Variants in SLC2A1 observed in about 807,000 individuals in gnomAD.
SLC2A1 encodes the protein solute carrier family 2, facilitated glucose transporter member 1.
In SLC2A1, 4 loss-of-function variants were observed where a neutral mutation model predicts 46.6. The observed-to-expected ratio is 0.09, with a 90% CI of 0.04 to 0.20. SLC2A1 has a LOEUF of 0.20. Among genes scored for constraint, SLC2A1 ranks in the 10% least tolerant of loss-of-function variants. The pLI, the probability that SLC2A1 is intolerant of heterozygous loss-of-function variation, is 1.00. For missense variants in SLC2A1, 352 were observed against 667.0 expected (o/e 0.53, Z 5.20); for synonymous variants, 253 against 270.0 (o/e 0.94, Z 0.62).
At chr1:42,955,751 G>A (rs1245635263) in intron 1 of SLC2A1, among the ~76,000 whole-genome samples, 2 of 152,160 alleles carry the variant, frequency 1.3e-5, no homozygotes, top group African/African-American at 2.4e-5. Flanking sequence ...AGTTCTTCAC[G>A]AAGGGTGGGG....
At chr1:42,955,482 T>C (rs1570608830) in intron 1 of SLC2A1, among the ~76,000 whole-genome samples, 1 of 152,146 alleles carries the variant, frequency 6.6e-6, no homozygotes, top group African/African-American at 2.4e-5. Flanking sequence ...CGGTGACGCA[T>C]GTCTGTGGTT....
At chr1:42,951,822 C>A in intron 1 of SLC2A1, 1 of 399,196 alleles carries the variant, frequency 2.5e-6, no homozygotes, top group Non-Finnish European at 4.4e-6. Flanking sequence ...AAGTGTCAGA[C>A]CACATGGTAA....
intron 2 of SLC2A1, among the ~76,000 whole-genome samples, chr1:42,937,490 A>T (rs990799632): frequency 6.6e-6 from 1 of 152,244 alleles, no homozygotes. Flanking sequence ...AAGGGTGTTT[A>T]GGTGCCCATC....
chr1:42,928,718 G>A (rs1247523196), intron 8 of SLC2A1, among the ~76,000 whole-genome samples: 2 of 152,108 alleles, frequency 1.3e-5, no homozygotes, highest in Non-Finnish European at 2.9e-5. Context: ...GAGGTGCTGC[G>A]CTGAGAATCC....
Position 42,929,071 on chromosome 1 carries a change from G to A in SLC2A1, c.973-38C>T, listed in dbSNP as rs1557645575. The A allele has an allele frequency of 1.9e-6, 3 of 1,599,404 alleles. No individual in the cohort carries two copies. Among genetic ancestry groups the A allele is most frequent in the Non-Finnish European group, 2.6e-6 (3 of 1,167,818 alleles). On this transcript the variant is annotated intron_variant, in intron 7 of 9. Coordinates refer to ENST00000426263, the MANE Select transcript of SLC2A1 (RefSeq NM_006516.4). The surrounding 1 kb of genome is among the most constrained non-coding windows in gnomAD (Gnocchi z 6.0). ...ACAGTGTCAGTGCCACCCCTGCCTA[G>A]TGCCCTTCTGAACCCACCCACCCAG...
chr1:42,944,022 G>A (rs1012681235), intron 1 of SLC2A1, among the ~76,000 whole-genome samples: 1 of 152,178 alleles, frequency 6.6e-6, no homozygotes, highest in Non-Finnish European at 1.5e-5. Context: ...TCAGGGCTCC[G>A]GACTCCTTAC....
chr1:42,948,908 CA>C (rs963788989), intron 1 of SLC2A1, among the ~76,000 whole-genome samples: 12 of 148,622 alleles, frequency 8.1e-5, no homozygotes, highest in African/African-American at 9.8e-5. Context: ...ACTAAAAATA[CA>C]AAAAAAAAAT....
In SLC2A1 at chr1:42,947,590, A is replaced by C. The variant is rs867784814; in HGVS notation, c.19-4269T>G. Among the ~76,000 whole-genome samples, 280 of 149,802 alleles carry C rather than the reference A, an allele frequency of 1.9e-3. 3 individuals carry two copies. Among genetic ancestry groups the C allele is most frequent in the East Asian group, 9.9e-3 (50 of 5,060 alleles). ...TACACACACACACACACAAAAAAAAAAAAAAAAAAAAAAAAACAGCTGGAT... is the reference window on the plus strand; with the variant it reads ...TACACACACACACACACAAAAAAAACAAAAAAAAAAAAAAAACAGCTGGAT... On this transcript the variant is annotated intron_variant, in intron 1 of 9. Coordinates refer to ENST00000426263, the MANE Select transcript of SLC2A1 (RefSeq NM_006516.4).
intron 2 of SLC2A1, among the ~76,000 whole-genome samples, chr1:42,933,941 A>G (rs553163621): frequency 2.8e-4 from 43 of 152,224 alleles, no homozygotes; most frequent in African/African-American, 9.9e-4. Context: ...TCTGCATTCC[A>G]TAGTTCTAAG....
chr1:42,939,412 A>T (rs2124458379), intron 2 of SLC2A1, among the ~76,000 whole-genome samples: 1 of 152,310 alleles, frequency 6.6e-6, no homozygotes. Flanking sequence ...TCACATCTCC[A>T]GCTTCGGTCT....
intron 2 of SLC2A1, among the ~76,000 whole-genome samples, chr1:42,941,201 G>A (rs560300808): frequency 1.3e-5 from 2 of 152,190 alleles, no homozygotes; most frequent in Admixed American, 6.5e-5. Flanking sequence ...GTCTGATCAC[G>A]TCTGCCCTGG....
rs761764013 is a variant in SLC2A1 at position 42,929,282 on chromosome 1, C to G, written c.900G>C (p.Lys300Asn). Residue 300 changes from lysine (K) to asparagine (N), a missense_variant, in exon 7 of 10, where the codon AAG becomes AAC. Physicochemically the swap from Lys to Asn is moderately conservative, Grantham distance 94. Transcript: ENST00000426263. This position sits in a 1 kb window ranked among gnomAD's most constrained non-coding sequence, Gnocchi z 6.0. ...VFYYSTSIFE[K>N]AGVQQPVYAT... ...CATACACAGGCTGCTGCACCCCCGC[C>G]TTCTCGAAGATGCTCGTGGAGTAAT... 1 of 1,613,746 alleles carries G rather than the reference C, an allele frequency of 6.2e-7. No individual in the cohort carries two copies. The highest frequency in any genetic ancestry group is 1.7e-5 in the Admixed American group (1 of 59,986).
At chr1:42,938,638 G>A (rs1391547057) in intron 2 of SLC2A1, among the ~76,000 whole-genome samples, 1 of 152,188 alleles carries the variant, frequency 6.6e-6, no homozygotes, top group East Asian at 1.9e-4. Context: ...CCTAAGAGAG[G>A]TTCTTCTAAA....
chr1:42,936,732 TAA>T (rs777119120), intron 2 of SLC2A1, among the ~76,000 whole-genome samples: 2 of 152,110 alleles, frequency 1.3e-5, no homozygotes, highest in Non-Finnish European at 2.9e-5. Flanking sequence ...GCTCTTGCAA[TAA>T]AGTGTCTCCT....
intron 1 of SLC2A1, among the ~76,000 whole-genome samples, chr1:42,957,003 C>T (rs576610088): frequency 6.6e-6 from 1 of 152,342 alleles, no homozygotes; most frequent in East Asian, 1.9e-4. Context: ...CTGATTTTCT[C>T]CTCCACTTTT....
chr1:42,927,913 G>A lies in SLC2A1; in HGVS notation c.1075-105C>T. 1 of 855,262 alleles carries A rather than the reference G, an allele frequency of 1.2e-6. No individual in the cohort carries two copies. The highest frequency in any genetic ancestry group is 1.9e-6 in the Non-Finnish European group (1 of 522,994). The allele number at this position is 855,262 out of a possible 1,614,324, so 53.0% of individuals were successfully genotyped here. On this transcript the variant is annotated intron_variant, in intron 8 of 9. Transcript: ENST00000426263. This position sits in a 1 kb window ranked among gnomAD's most constrained non-coding sequence, Gnocchi z 5.3. The stretch of plus-strand genomic sequence containing the variant: ...AGAGCAGAGCTATGCGAGAAGGCAG[G>A]AAGCCTGGGGATGGTCCTGGATTTG...
chr1:42,942,490 T>C lies in SLC2A1; in HGVS notation c.114+736A>G, dbSNP rs190604777. On this transcript the variant is annotated intron_variant, in intron 2 of 9. Transcript: ENST00000426263. ...AGATGGTCTAGGTCCCTTCCCATCC[T>C]GACATTCAAGTAAACAAGTGAGGAC... 3.3e-5 allele frequency among the ~76,000 whole-genome samples: 5 copies of C among 150,972 alleles called. No homozygotes were observed. The East Asian group carries it at 7.8e-4, about 23-fold the overall frequency.
In SLC2A1 at chr1:42,927,083, G is replaced by A. The variant is rs146879902; in HGVS notation, c.1437C>T (p.Pro479=). Residue 479 remains proline (P), a synonymous_variant, in exon 10 of 10, where the codon CCC becomes CCT. Transcript: ENST00000426263. This position sits in a 1 kb window ranked among gnomAD's most constrained non-coding sequence, Gnocchi z 5.3. ...CCCCCAGGGGATGGAACAGCTCCTCGGGTGTCTTGTCACTTTGGCTGGCTC... is the reference window on the plus strand; with the variant it reads ...CCCCCAGGGGATGGAACAGCTCCTCAGGTGTCTTGTCACTTTGGCTGGCTC... The part of the protein sequence containing the change: ...QGGASQSDKT[P]EELFHPLGAD... 1,199 of 1,614,140 alleles carry A rather than the reference G, an allele frequency of 7.4e-4. 1 individual carries two copies. Among genetic ancestry groups the A allele is most frequent in the Admixed American group, 9.5e-4 (57 of 60,024 alleles).
chr1:42,943,219 T>G lies in SLC2A1; in HGVS notation c.114+7A>C. The G allele has an allele frequency of 6.3e-7, 1 of 1,598,968 alleles. No individual in the cohort carries two copies. The highest frequency in any genetic ancestry group is 8.6e-7 in the Non-Finnish European group (1 of 1,166,664). Reference sequence around the variant, plus strand: ...TGTCCATAAGCCAACGATGGCACAGTACTCACCTTCTGGGGGGCATTGATG... The same window carrying G: ...TGTCCATAAGCCAACGATGGCACAGGACTCACCTTCTGGGGGGCATTGATG... On this transcript the variant is annotated splice_region_variant and intron_variant, in intron 2 of 9. Coordinates refer to ENST00000426263, the MANE Select transcript of SLC2A1 (RefSeq NM_006516.4).
Sources: allele counts gnomAD v4.1 joint callset (sites outside exome capture counted in the v4.1 genomes callset), GRCh38; gene constraint gnomAD v4.1.1; non-coding constraint Gnocchi (gnomAD v3.1); transcripts MANE v1.5; gene names NCBI Gene and HGNC (gene_info 2026-07-23, HGNC 2026-07-21).